The following ENAH variants were observed in gnomAD, a reference collection of about 807,000 sequenced individuals.
The protein encoded by ENAH is ENAH actin regulator.
In ENAH, 23 loss-of-function variants were observed where a neutral mutation model predicts 78.7. That is an observed-to-expected ratio of 0.29 (90% CI 0.21 to 0.41). The LOEUF (loss-of-function observed/expected upper bound fraction) is 0.41. Ranked by LOEUF, ENAH falls within the 10% of genes least tolerant of loss-of-function variation. The pLI, the probability that ENAH is intolerant of heterozygous loss-of-function variation, is 1.00. For missense variants in ENAH, 544 were observed against 691.0 expected, an observed-to-expected ratio of 0.79 and a Z score of 2.39; for synonymous variants, 226 against 241.0, an observed-to-expected ratio of 0.94 and a Z score of 0.58.
chr1:225,543,092 T>C (rs1217052989), intron 3 of ENAH, among the ~76,000 whole-genome samples: 3 of 152,060 alleles, frequency 2.0e-5, no homozygotes, highest in Admixed American at 6.6e-5. Flanking sequence ...TGCTGCATAC[T>C]ACAATAGTTA....
At position 225,620,816 on chromosome 1, in the gene ENAH, C is replaced by T. The variant is rs371096251; in HGVS notation, c.5+31870G>A. Among the ~76,000 whole-genome samples, 13 of 151,968 alleles carry T rather than the reference C, an allele frequency of 8.6e-5. No individual in the cohort carries two copies. In the East Asian group the frequency reaches 1.4e-3, roughly 16 times the overall value. On this transcript the variant is annotated intron_variant, in intron 1 of 13. Transcript: ENST00000366843. ...GGTCAGGAGTTCAAGACCAGCCTAG[C>T]CAACATGGTGAAACCCCGTATCTAC...
In ENAH at chr1:225,495,978, T is replaced by C. The variant is rs1481654133; in HGVS notation, c.*1797A>G. 6.6e-6 allele frequency: 1 copy of C among 152,494 alleles called. No homozygotes were observed. The highest frequency in any genetic ancestry group is 1.9e-4 in the East Asian group (1 of 5,192). The allele number at this position is 152,494 out of a possible 1,614,324, so 9.4% of individuals were successfully genotyped here. ...TCTTTGTAGTGGTAAAGGCTGCAAA[T>C]TTGCAGCGTTTAGAAAACTACACTA... On this transcript the variant is annotated 3_prime_UTR_variant, in exon 14 of 14. Coordinates refer to ENST00000366843, the MANE Select transcript of ENAH (RefSeq NM_018212.6).
At position 225,491,138 on chromosome 1, in the gene ENAH, T is replaced by C. The variant is rs2096220095; in HGVS notation, c.*6637A>G. 6.6e-6 allele frequency: 1 copy of C among 152,192 alleles called. No individual in the cohort carries two copies. Among genetic ancestry groups the C allele is most frequent in the African/African-American group, 2.4e-5 (1 of 41,424 alleles). 9.4% of individuals were successfully genotyped at this position (152,192 alleles called of 1,614,324 possible). A position where few individuals can be genotyped will look rare whatever the true frequency, so the allele number is the denominator to read the frequency against. ...CTGGTATTTCTCACATAAAACACGT[T>C]GAAAAACATTTATTTATTTAGAGAT... is the stretch of plus-strand genomic sequence containing the variant. On this transcript the variant is annotated 3_prime_UTR_variant, in exon 14 of 14. Coordinates refer to ENST00000366843, the MANE Select transcript of ENAH (RefSeq NM_018212.6).
chr1:225,573,440 A>T (rs2096773301), intron 1 of ENAH, among the ~76,000 whole-genome samples: 1 of 151,784 alleles, frequency 6.6e-6, no homozygotes, highest in South Asian at 2.1e-4. Flanking sequence ...AACAAACAAG[A>T]CTCTCTGAGG....
intron 3 of ENAH, among the ~76,000 whole-genome samples, chr1:225,550,867 G>A (rs2096637805): frequency 6.6e-6 from 1 of 152,010 alleles, no homozygotes; most frequent in Non-Finnish European, 1.5e-5. Flanking sequence ...AATCTTACTG[G>A]TTATGCATAT....
chr1:225,574,605 A>AAT (rs201786584), intron 1 of ENAH, among the ~76,000 whole-genome samples: 67 of 24,540 alleles, frequency 2.7e-3, no homozygotes, highest in South Asian at 3.6e-3. Flanking sequence ...CTGTCTCCAA[A>AAT]ATATATAAAA....
intron 1 of ENAH, among the ~76,000 whole-genome samples, chr1:225,616,190 G>GCGGAAGGC (rs1463447836): frequency 1.3e-5 from 2 of 151,960 alleles, no homozygotes; most frequent in Admixed American, 1.3e-4. Flanking sequence ...CACAAACACT[G>GCGGAAGGC]CGGAAGGCCG....
intron 1 of ENAH, among the ~76,000 whole-genome samples, chr1:225,615,504 A>C (rs1575732628): frequency 7.3e-6 from 1 of 137,022 alleles, no homozygotes; most frequent in African/African-American, 2.8e-5. Context: ...CTGGCCGCCC[A>C]TTGTCTGGGA....
chr1:225,540,470 C>T (rs1365896428), intron 3 of ENAH, among the ~76,000 whole-genome samples: 1 of 152,026 alleles, frequency 6.6e-6, no homozygotes, highest in Non-Finnish European at 1.5e-5. Context: ...AATACAAAGG[C>T]ATGAGGTTTC....
At chr1:225,553,158 C>T (rs1396534815) in intron 3 of ENAH, among the ~76,000 whole-genome samples, 1 of 152,036 alleles carries the variant, frequency 6.6e-6, no homozygotes, top group African/African-American at 2.4e-5. Context: ...CACTCGAACC[C>T]GGGAGGCAGA....
intron 12 of ENAH, among the ~76,000 whole-genome samples, chr1:225,499,274 A>G (rs114436808): frequency 6.6e-6 from 1 of 152,106 alleles, no homozygotes; most frequent in Admixed American, 6.5e-5. Flanking sequence ...TCTCAAAAAA[A>G]AAATAAATAA....
intron 11 of ENAH, 77 bp downstream of exon 11, chr1:225,507,874 A>G (rs2151087370): frequency 1.9e-6 from 2 of 1,063,984 alleles, no homozygotes; most frequent in Middle Eastern, 3.1e-4. Context: ...TTACCATTCA[A>G]TTTTTTTCTA....
At chr1:225,497,915 G>T in intron 13 of ENAH, 103 bp from the exon 14 acceptor site, 3 of 863,994 alleles carry the variant, frequency 3.5e-6, no homozygotes, top group Non-Finnish European at 5.2e-6. Flanking sequence ...CAAACTCACA[G>T]TAATAAGAAG....
intron 1 of ENAH, among the ~76,000 whole-genome samples, chr1:225,597,710 T>G: frequency 6.7e-6 from 1 of 149,116 alleles, no homozygotes. Flanking sequence ...AAACCCAATG[T>G]GCCATGTGAA....
At chr1:225,642,898 C>T (rs1338913876) in intron 1 of ENAH, among the ~76,000 whole-genome samples, 1 of 152,166 alleles carries the variant, frequency 6.6e-6, no homozygotes, top group Non-Finnish European at 1.5e-5. Context: ...GAGGTAACAC[C>T]TTTTACCTAT....
intron 11 of ENAH, among the ~76,000 whole-genome samples, chr1:225,502,820 GT>G (rs1342922701): frequency 6.6e-6 from 1 of 152,158 alleles, no homozygotes; most frequent in African/African-American, 2.4e-5. Flanking sequence ...AGTTTAGGAT[GT>G]TATTTCATAT....
At chr1:225,612,910 T>C (rs1341343389) in intron 1 of ENAH, among the ~76,000 whole-genome samples, 1 of 152,054 alleles carries the variant, frequency 6.6e-6, no homozygotes, top group Non-Finnish European at 1.5e-5. Flanking sequence ...CCACGATACA[T>C]TTACAAAATT....
chr1:225,510,480 G>C (rs2096367964), intron 10 of ENAH, among the ~76,000 whole-genome samples: 2 of 151,990 alleles, frequency 1.3e-5, no homozygotes, highest in Non-Finnish European at 2.9e-5. Context: ...TTGGCTTACA[G>C]AAAGAAGGAT....
At chr1:225,634,217 T>C (rs536393476) in intron 1 of ENAH, among the ~76,000 whole-genome samples, 1 of 152,194 alleles carries the variant, frequency 6.6e-6, no homozygotes, top group East Asian at 1.9e-4. Context: ...CAAACAGATA[T>C]GTGCATTTTG....
Sources: gnomAD v4.1 joint callset for allele counts (sites outside exome capture counted in the v4.1 genomes callset) on GRCh38, gnomAD v4.1.1 for gene constraint, MANE v1.5 for transcripts, NCBI Gene and HGNC (gene_info 2026-07-23, HGNC 2026-07-21) for gene names.